The following CNTNAP2 variants were observed in gnomAD, a reference collection of about 807,000 sequenced individuals.
CNTNAP2 encodes the protein contactin associated protein 2, also known as contactin-associated protein-like 2.
A neutral mutation model predicts 155.2 loss-of-function variants in CNTNAP2; 98 were observed. That is an observed-to-expected ratio of 0.63 (90% CI 0.54 to 0.75). The LOEUF (loss-of-function observed/expected upper bound fraction) is 0.75, where lower values mean the gene tolerates loss of function less well. Among genes scored for constraint, CNTNAP2 ranks in the 30% least tolerant of loss-of-function variants. The pLI, the probability that CNTNAP2 is intolerant of heterozygous loss-of-function variation, is 0.00. For missense variants in CNTNAP2, 1,727 were observed against 1,688.1 expected (o/e 1.02, Z -0.40); for synonymous variants, 651 against 631.2 (o/e 1.03, Z -0.47).
chr7:147,427,447 CAG>C (rs1176354875), intron 10 of CNTNAP2, among the ~76,000 whole-genome samples: 1 of 152,048 alleles, frequency 6.6e-6, no homozygotes, highest in East Asian at 1.9e-4. Context: ...TCAGAGCAAA[CAG>C]AGGCAACGGT....
At chr7:148,331,281 G>A (rs1372955851) in intron 21 of CNTNAP2, among the ~76,000 whole-genome samples, 1 of 141,972 alleles carries the variant, frequency 7.0e-6, no homozygotes, top group Non-Finnish European at 1.5e-5. Flanking sequence ...GTGGACGGAT[G>A]GAGTGGATGG....
intron 13 of CNTNAP2, among the ~76,000 whole-genome samples, chr7:147,852,983 G>C (rs1175240265): frequency 6.6e-6 from 1 of 152,160 alleles, no homozygotes; most frequent in African/African-American, 2.4e-5. Flanking sequence ...TTGGCCCACA[G>C]ATGGAAGGAA....
At chr7:147,471,986 G>A (rs1798224779) in intron 10 of CNTNAP2, among the ~76,000 whole-genome samples, 1 of 152,094 alleles carries the variant, frequency 6.6e-6, no homozygotes, top group South Asian at 2.1e-4. Context: ...GGAAAAGAGT[G>A]TATTTGAAAA....
intron 8 of CNTNAP2, among the ~76,000 whole-genome samples, chr7:147,269,632 C>G (rs1433695238): frequency 6.6e-6 from 1 of 152,136 alleles, no homozygotes; most frequent in Non-Finnish European, 1.5e-5. Flanking sequence ...CTGGAGGAGA[C>G]AGAAGGGCCA....
chr7:147,863,239 G>A (rs1316694038), intron 13 of CNTNAP2, among the ~76,000 whole-genome samples: 1 of 151,998 alleles, frequency 6.6e-6, no homozygotes, highest in Non-Finnish European at 1.5e-5. Context: ...CTTCTCCACG[G>A]CCCTGCAAAG....
intron 3 of CNTNAP2, among the ~76,000 whole-genome samples, chr7:146,998,343 G>A (rs1009020699): frequency 2.0e-5 from 3 of 151,736 alleles, no homozygotes; most frequent in African/African-American, 2.4e-5. Flanking sequence ...ATTTTCCAAC[G>A]TTCCCCCTGT....
chr7:146,895,347 C>T (rs993767769), intron 3 of CNTNAP2, among the ~76,000 whole-genome samples: 2 of 149,016 alleles, frequency 1.3e-5, no homozygotes, highest in African/African-American at 5.0e-5. Flanking sequence ...CTTTCTCTCT[C>T]TTTCTCTCTT....
intron 1 of CNTNAP2, among the ~76,000 whole-genome samples, chr7:146,173,975 G>C (rs1798431513): frequency 6.6e-6 from 1 of 152,112 alleles, no homozygotes; most frequent in African/African-American, 2.4e-5. Flanking sequence ...GGGAAGCTGA[G>C]GTGGGAGGAT....
intron 11 of CNTNAP2, among the ~76,000 whole-genome samples, chr7:147,532,478 A>G (rs559961910): frequency 1.3e-5 from 2 of 152,098 alleles, no homozygotes; most frequent in South Asian, 4.1e-4. Flanking sequence ...ACTTTCCCAC[A>G]TTTTCTGATC....
chr7:146,647,904 C>T (rs937948362), intron 1 of CNTNAP2, among the ~76,000 whole-genome samples: 5 of 152,204 alleles, frequency 3.3e-5, no homozygotes, highest in African/African-American at 9.6e-5. Flanking sequence ...GCCACAGTTA[C>T]ATTAGCAGTT....
At chr7:147,555,267 G>C (rs1799930500) in intron 11 of CNTNAP2, among the ~76,000 whole-genome samples, 1 of 152,138 alleles carries the variant, frequency 6.6e-6, no homozygotes. Context: ...ATCCTACACT[G>C]AACAATACCA....
At chr7:146,144,309 G>A (rs1196734588) in intron 1 of CNTNAP2, among the ~76,000 whole-genome samples, 2 of 151,950 alleles carry the variant, frequency 1.3e-5, no homozygotes, top group African/African-American at 4.8e-5. Flanking sequence ...GCACCAGCGT[G>A]CCTGGCTAAT....
intron 13 of CNTNAP2, among the ~76,000 whole-genome samples, chr7:147,727,910 G>C (rs1401896604): frequency 6.6e-6 from 1 of 151,974 alleles, no homozygotes; most frequent in Non-Finnish European, 1.5e-5. Flanking sequence ...AGATTGCATT[G>C]ATCCAGTGAG....
chr7:148,096,278 CATGT>C (rs745876846), intron 15 of CNTNAP2, among the ~76,000 whole-genome samples: 130 of 119,246 alleles, frequency 1.1e-3, no homozygotes, highest in African/African-American at 3.7e-3. Flanking sequence ...TGCATGCATG[CATGT>C]GTGTGTGTGT....
intron 1 of CNTNAP2, among the ~76,000 whole-genome samples, chr7:146,629,686 C>T (rs1053627747): frequency 2.0e-5 from 3 of 151,976 alleles, no homozygotes; most frequent in South Asian, 4.2e-4. Flanking sequence ...TAAACTAGGC[C>T]GTATATTTAA....
In CNTNAP2 at chr7:146,920,735, G is replaced by A. The variant is rs137901223; in HGVS notation, c.402+80831G>A. Reference sequence around the variant, plus strand: ...TGTTGAACTGTCCACTATGAGGGTTGTGGATTTTAGTTAATCTTTCACTTT... The same window carrying A: ...TGTTGAACTGTCCACTATGAGGGTTATGGATTTTAGTTAATCTTTCACTTT... On this transcript the variant is annotated intron_variant, in intron 3 of 23. Transcript: ENST00000361727. Among the ~76,000 whole-genome samples the A allele has an allele frequency of 3.9e-3, 592 of 152,228 alleles. 7 individuals are homozygous for A. The highest frequency in any genetic ancestry group is 0.013 in the African/African-American group (544 of 41,540).
intron 1 of CNTNAP2, among the ~76,000 whole-genome samples, chr7:146,179,509 G>A (rs1411007851): frequency 1.4e-4 from 22 of 151,870 alleles, no homozygotes; most frequent in Non-Finnish European, 1.6e-4. Context: ...ATGAATTTTA[G>A]GCTCATATAC....
At chr7:146,323,589 T>C (rs745319376) in intron 1 of CNTNAP2, among the ~76,000 whole-genome samples, 2 of 152,040 alleles carry the variant, frequency 1.3e-5, no homozygotes, top group Non-Finnish European at 2.9e-5. Flanking sequence ...AAATAATAAA[T>C]TCATAAAATA....
At chr7:146,973,041 T>A (rs58188098) in intron 3 of CNTNAP2, among the ~76,000 whole-genome samples, 106 of 152,270 alleles carry the variant, frequency 7.0e-4, no homozygotes, top group African/African-American at 2.4e-3. Context: ...TCTCTCTCTC[T>A]TTTTTAAAGG....
Sources: gnomAD v4.1 joint callset for allele counts (sites outside exome capture counted in the v4.1 genomes callset) on GRCh38, gnomAD v4.1.1 for gene constraint, MANE v1.5 for transcripts, NCBI Gene and HGNC (gene_info 2026-07-23, HGNC 2026-07-21) for gene names.